PUS10: variants seen among roughly 807,000 people sequenced by gnomAD.
PUS10 encodes pseudouridine synthase 10.
PUS10 carries 59 observed loss-of-function variants against 75.0 expected under a neutral mutation model. The observed-to-expected ratio is 0.79, with a 90% CI of 0.64 to 0.98. The LOEUF (loss-of-function observed/expected upper bound fraction) is 0.98, where lower values mean the gene tolerates loss of function less well. Ranked by LOEUF, PUS10 falls within the 50% of genes least tolerant of loss-of-function variation. PUS10 has a pLI of 0.00. For synonymous variants in PUS10, 219 were observed against 211.6 expected, an observed-to-expected ratio of 1.03 and a Z score of -0.30; for missense variants, 650 against 614.4, an observed-to-expected ratio of 1.06 and a Z score of -0.61.
rs67357917 is a variant in PUS10, at chr2:61,012,887, T to TATATAC, written c.-15-983_-15-982insGTATAT. Among the ~76,000 whole-genome samples, 262 of 88,714 alleles carry TATATAC rather than the reference T, an allele frequency of 3.0e-3. 5 individuals are homozygous for TATATAC. Among genetic ancestry groups the TATATAC allele is most frequent in the African/African-American group, 6.0e-3 (148 of 24,524 alleles). The allele number at this position is 88,714 out of a possible 152,430, so 58.2% of individuals were successfully genotyped here. The stretch of plus-strand genomic sequence containing the variant: ...AAAAAAATATATATATATATATATA[T>TATATAC]ACACACACACACATATGCCTATTAC... On this transcript the variant is annotated intron_variant, in intron 1 of 17. Coordinates refer to ENST00000316752, the MANE Select transcript of PUS10 (RefSeq NM_144709.4).
At position 60,989,062 on chromosome 2, in the gene PUS10, A is replaced by G. The variant is rs186425462; in HGVS notation, c.468+17495T>C. Among the ~76,000 whole-genome samples the G allele has an allele frequency of 5.6e-4, 85 of 152,332 alleles. No individual in the cohort carries two copies. The East Asian group carries it at 0.014, about 25-fold the overall frequency. ...AATAGCAACAATTTGAAAGCTAGAA[A>G]GCAGATTGAACAGTGGTAAAGGACT... On this transcript the variant is annotated intron_variant, in intron 4 of 17. Coordinates refer to ENST00000316752, the MANE Select transcript of PUS10 (RefSeq NM_144709.4).
intron 1 of PUS10, among the ~76,000 whole-genome samples, chr2:61,014,938 G>C (rs1416906040): frequency 1.3e-5 from 2 of 152,186 alleles, no homozygotes; most frequent in African/African-American, 2.4e-5. Context: ...CAGGCATATA[G>C]TTACATAGAA....
At chr2:60,997,620 A>G (rs1678565265) in intron 4 of PUS10, among the ~76,000 whole-genome samples, 1 of 128,584 alleles carries the variant, frequency 7.8e-6, no homozygotes, top group Non-Finnish European at 1.5e-5. Flanking sequence ...AAAAAAAAAA[A>G]AAAAAAAAAG....
At chr2:60,961,840 A>C (rs1186028471) in intron 9 of PUS10, among the ~76,000 whole-genome samples, 2 of 152,208 alleles carry the variant, frequency 1.3e-5, no homozygotes, top group African/African-American at 4.8e-5. Flanking sequence ...TAGCCTCAAG[A>C]TTTGAGGGAA....
chr2:60,952,064 G>A (rs143029158), intron 15 of PUS10, among the ~76,000 whole-genome samples: 108 of 152,226 alleles, frequency 7.1e-4, no homozygotes, highest in African/African-American at 2.5e-3. Context: ...GGCCGGGCAC[G>A]GTGCCTCATG....
Position 61,003,170 on chromosome 2 carries a change from A to G in PUS10, c.468+3387T>C, listed in dbSNP as rs189045107. Among the ~76,000 whole-genome samples the G allele has an allele frequency of 4.5e-3, 686 of 152,288 alleles. 2 individuals carry two copies. Among genetic ancestry groups the G allele is most frequent in the Middle Eastern group, 0.017 (5 of 294 alleles). ...ATGCTTTTATAATGATGATAAATAA[A>G]AACTATTGGGGCCGGGAGCGGTGGC... On this transcript the variant is annotated intron_variant, in intron 4 of 17. Coordinates refer to ENST00000316752, the MANE Select transcript of PUS10 (RefSeq NM_144709.4).
intron 4 of PUS10, among the ~76,000 whole-genome samples, chr2:60,999,889 C>A (rs1297929780): frequency 6.6e-6 from 1 of 152,140 alleles, no homozygotes; most frequent in Admixed American, 6.5e-5. Context: ...TGTAGCATAA[C>A]AACTATTTAC....
chr2:60,974,822 C>A (rs932428669), intron 4 of PUS10, among the ~76,000 whole-genome samples: 2 of 152,246 alleles, frequency 1.3e-5, no homozygotes, highest in Non-Finnish European at 2.9e-5. Context: ...ACACACCTCT[C>A]GCTGCTCCAC....
intron 15 of PUS10, among the ~76,000 whole-genome samples, chr2:60,948,926 A>C (rs1019005117): frequency 1.3e-5 from 2 of 152,194 alleles, no homozygotes; most frequent in African/African-American, 4.8e-5. Flanking sequence ...ATTCATAAGA[A>C]CTGAATCCTC....
At chr2:60,998,779 C>A (rs1678652287) in intron 4 of PUS10, 1 of 152,016 alleles carries the variant, frequency 6.6e-6, no homozygotes, top group Non-Finnish European at 1.5e-5. Flanking sequence ...CCTGAATGTG[C>A]CTGATCTCAC....
chr2:60,945,067 T>C lies in PUS10; in HGVS notation c.1493A>G (p.Lys498Arg). The C allele has an allele frequency of 1.9e-6, 3 of 1,614,148 alleles. No homozygotes were observed. The highest frequency in any genetic ancestry group is 2.5e-6 in the Non-Finnish European group (3 of 1,179,954). The change falls in exon 17 of 18, where the codon AAG becomes AGG. Residue 498 changes from lysine (K) to arginine (R), a missense_variant. By Grantham distance (26) the Lys-to-Arg change is conservative (BLOSUM62 2). Coordinates refer to ENST00000316752, the MANE Select transcript of PUS10 (RefSeq NM_144709.4). ...EFVHGDFGRTKPNIGSLMNVT... is the reference protein window; with the variant it reads ...EFVHGDFGRTRPNIGSLMNVT... ...ATTCATCAGGGACCCAATGTTTGGC[T>C]TGGTTCTCCCGAAGTCTCCATGTAC...
chr2:61,012,426 A>G (rs1679662952), intron 1 of PUS10, among the ~76,000 whole-genome samples: 1 of 151,994 alleles, frequency 6.6e-6, no homozygotes, highest in Non-Finnish European at 1.5e-5. Flanking sequence ...TGTCTGTCTC[A>G]TTCTTCCCCA....
intron 4 of PUS10, among the ~76,000 whole-genome samples, chr2:60,976,331 T>G (rs1160808805): frequency 2.0e-5 from 3 of 152,244 alleles, no homozygotes; most frequent in Non-Finnish European, 4.4e-5. Flanking sequence ...TTGCTATAGC[T>G]AGTTCTGAAA....
intron 8 of PUS10, 82 bp from the exon 9 acceptor site, chr2:60,962,972 G>A: frequency 6.9e-7 from 1 of 1,453,462 alleles, no homozygotes; most frequent in Non-Finnish European, 9.0e-7. Flanking sequence ...AACATGGCTG[G>A]AGAAATTGTA....
intron 4 of PUS10, among the ~76,000 whole-genome samples, chr2:60,991,845 C>T (rs897270143): frequency 1.3e-5 from 2 of 152,044 alleles, no homozygotes; most frequent in African/African-American, 2.4e-5. Flanking sequence ...ATAAATATTA[C>T]GAAAATTGGA....
chr2:60,966,035 G>A (rs1169003369), intron 6 of PUS10: 1 of 151,740 alleles, frequency 6.6e-6, no homozygotes, highest in Non-Finnish European at 1.5e-5. Context: ...TCAATCCCAC[G>A]CCACTGAAGC....
intron 1 of PUS10, 130 bp from the exon 2 acceptor site, chr2:61,012,035 T>C (rs960960434): frequency 7.7e-6 from 4 of 519,140 alleles, no homozygotes; most frequent in Admixed American, 4.1e-5. Context: ...ACCAAGCCCC[T>C]TTCATTACAC....
intron 5 of PUS10, among the ~76,000 whole-genome samples, chr2:60,969,484 C>T (rs1345640121): frequency 2.0e-5 from 3 of 152,200 alleles, no homozygotes; most frequent in African/African-American, 7.2e-5. Context: ...TACTTAGTAA[C>T]TACACTTCTC....
At chr2:60,946,425 T>C (rs1674948609) in intron 16 of PUS10, among the ~76,000 whole-genome samples, 1 of 152,216 alleles carries the variant, frequency 6.6e-6, no homozygotes. Flanking sequence ...TGGCTTGTCC[T>C]AAAAATGTTT....
Sources: gnomAD v4.1 joint callset for allele counts (sites outside exome capture counted in the v4.1 genomes callset) on GRCh38, gnomAD v4.1.1 for gene constraint, MANE v1.5 for transcripts, NCBI Gene and HGNC (gene_info 2026-07-23, HGNC 2026-07-21) for gene names.